Variants in GPATCH2L observed in about 807,000 individuals in gnomAD.
GPATCH2L encodes G-patch domain containing 2 like, also known as G patch domain-containing protein 2-like.
GPATCH2L carries 31 observed loss-of-function variants against 57.4 expected under a neutral mutation model. The ratio of observed to expected loss-of-function variants is 0.54; its 90% CI spans 0.41 to 0.73. The LOEUF is 0.73. Among genes scored for constraint, GPATCH2L ranks in the 30% least tolerant of loss-of-function variants. GPATCH2L has a pLI of 0.00. For missense variants in GPATCH2L, 481 were observed against 599.9 expected (o/e 0.80, Z 2.07); for synonymous variants, 199 against 210.7 (o/e 0.94, Z 0.48).
At chr14:76,231,963 TCTCACTGCAGCCTCACTGCAGC>T in intron 2 of GPATCH2L, among the ~76,000 whole-genome samples, 6 of 57,642 alleles carry the variant, frequency 1.0e-4, no homozygotes, top group South Asian at 1.8e-3. Flanking sequence ...GGCAAACACA[TCTCACTGCAGCCTCACTGCAGC>T]CTCACTGCAG....
intron 8 of GPATCH2L, among the ~76,000 whole-genome samples, chr14:76,184,035 T>G (rs985962077): frequency 8.0e-5 from 12 of 150,348 alleles, no homozygotes; most frequent in Admixed American, 1.3e-4. Flanking sequence ...TGTGTGTGTG[T>G]GTGTGTGTGT....
chr14:76,207,740 T>C lies in GPATCH2L; in HGVS notation c.*5889T>C, dbSNP rs534015758. On this transcript the variant is annotated 3_prime_UTR_variant, in exon 10 of 10. Transcript: ENST00000261530. ...CAGGGGTTGGAGACCAATAGCGATG[T>C]CATGCTTTTTGGTTGTTGTTATTGT... 17 of 152,344 alleles carry C rather than the reference T, an allele frequency of 1.1e-4. No homozygotes were observed. Among genetic ancestry groups the C allele is most frequent in the Non-Finnish European group, 2.1e-4 (14 of 68,024 alleles). The allele number at this position is 152,344 out of a possible 1,614,324, so 9.4% of individuals were successfully genotyped here.
intron 9 of GPATCH2L, among the ~76,000 whole-genome samples, chr14:76,199,572 C>G (rs529954477): frequency 6.6e-6 from 1 of 152,152 alleles, no homozygotes; most frequent in African/African-American, 2.4e-5. Context: ...ATGGAAAATA[C>G]TGCACTGTTC....
chr14:76,220,760 A>G (rs190435687), intron 1 of GPATCH2L, among the ~76,000 whole-genome samples: 2 of 152,286 alleles, frequency 1.3e-5, no homozygotes, highest in African/African-American at 2.4e-5. Context: ...AAGTGAAATT[A>G]CTCTAAAAAT....
intron 1 of GPATCH2L, among the ~76,000 whole-genome samples, chr14:76,227,631 T>C (rs2040541647): frequency 6.6e-6 from 1 of 152,218 alleles, no homozygotes; most frequent in Non-Finnish European, 1.5e-5. Context: ...TGAAGACATA[T>C]GCTTTTCGTT....
downstream of GPATCH2L, among the ~76,000 whole-genome samples, chr14:76,216,502 G>A (rs945291010): frequency 1.3e-4 from 19 of 151,636 alleles, no homozygotes; most frequent in African/African-American, 3.9e-4. Flanking sequence ...TGAAAGCTTA[G>A]ACAAAATTCC....
intron 6 of GPATCH2L, among the ~76,000 whole-genome samples, chr14:76,177,162 T>C (rs2039364690): frequency 6.6e-6 from 1 of 152,062 alleles, no homozygotes; most frequent in Non-Finnish European, 1.5e-5. Context: ...CCTCCCACTT[T>C]GGCCTCTTGA....
intron 3 of GPATCH2L, chr14:76,170,721 C>T (rs2039045755): frequency 6.6e-6 from 1 of 152,008 alleles, no homozygotes; most frequent in African/African-American, 2.4e-5. Flanking sequence ...CAAGAAATCC[C>T]TCAGGTATAG....
downstream of GPATCH2L, among the ~76,000 whole-genome samples, chr14:76,215,917 A>C (rs184709492): frequency 2.7e-5 from 4 of 145,536 alleles, no homozygotes; most frequent in East Asian, 7.7e-4. Flanking sequence ...TATAATTAAA[A>C]AAATAAAATA....
chr14:76,211,872 A>G lies in GPATCH2L; in HGVS notation c.*10021A>G, dbSNP rs558591968. The G allele has an allele frequency of 6.6e-6, 1 of 152,304 alleles. No homozygotes were observed. Among genetic ancestry groups the G allele is most frequent in the South Asian group, 2.1e-4 (1 of 4,832 alleles). 9.4% of individuals were successfully genotyped at this position (152,304 alleles called of 1,614,324 possible). A position where few individuals can be genotyped will look rare whatever the true frequency, so the allele number is the denominator to read the frequency against. ...GAAACTGCATAAAAGTGAAATAATT[A>G]TGAGTTTTGGGCCAACATTTTTCCT... On this transcript the variant is annotated 3_prime_UTR_variant, in exon 10 of 10. Coordinates refer to ENST00000261530, the MANE Select transcript of GPATCH2L (RefSeq NM_017926.4).
At chr14:76,200,987 C>A (rs1163291278) in intron 9 of GPATCH2L, among the ~76,000 whole-genome samples, 2 of 152,126 alleles carry the variant, frequency 1.3e-5, no homozygotes, top group African/African-American at 2.4e-5. Context: ...GGGAGTGTTC[C>A]TGGCATTCAG....
rs934123678 is a variant in GPATCH2L, at chr14:76,213,472, T to C, written c.*11621T>C. 1.3e-5 allele frequency: 2 copies of C among 152,220 alleles called. No individual in the cohort carries two copies. Among genetic ancestry groups the C allele is most frequent in the African/African-American group, 4.8e-5 (2 of 41,456 alleles). The allele number at this position is 152,220 out of a possible 1,614,324, so 9.4% of individuals were successfully genotyped here. A position where few individuals can be genotyped will look rare whatever the true frequency, so the allele number is the denominator to read the frequency against. ...CATTTGGAGAATTAACAGAAACTTT[T>C]TGTAACACCAATTTTTTATTTTACA... On this transcript the variant is annotated 3_prime_UTR_variant, in exon 10 of 10. Transcript: ENST00000261530.
intron 8 of GPATCH2L, among the ~76,000 whole-genome samples, chr14:76,184,433 AG>A (rs1452335082): frequency 7.0e-6 from 1 of 143,554 alleles, no homozygotes; most frequent in Non-Finnish European, 1.5e-5. Context: ...AGCAAGAGCA[AG>A]GGCTTTTCAA....
intron 2 of GPATCH2L, among the ~76,000 whole-genome samples, chr14:76,164,049 G>A (rs1043820411): frequency 6.6e-6 from 1 of 152,088 alleles, no homozygotes; most frequent in Non-Finnish European, 1.5e-5. Flanking sequence ...TGAAGGTCCG[G>A]CTGCCTTCTG....
intron 8 of GPATCH2L, among the ~76,000 whole-genome samples, chr14:76,182,585 CAAAA>C (rs66602777): frequency 8.3e-5 from 7 of 84,792 alleles, no homozygotes; most frequent in South Asian, 4.5e-4. Flanking sequence ...GACCCTGTCT[CAAAA>C]AAAAAAAAAA....
At chr14:76,155,596 G>A (rs1405774516) in intron 2 of GPATCH2L, among the ~76,000 whole-genome samples, 2 of 152,064 alleles carry the variant, frequency 1.3e-5, no homozygotes, top group African/African-American at 4.8e-5. Context: ...TAACAGTACC[G>A]AGTCCCATTA....
chr14:76,167,333 C>G (rs906895608), intron 3 of GPATCH2L, among the ~76,000 whole-genome samples: 5 of 152,144 alleles, frequency 3.3e-5, no homozygotes, highest in Non-Finnish European at 7.3e-5. Flanking sequence ...TGTTTGTCCT[C>G]TAGACTTGTG....
chr14:76,210,525 TC>T lies in GPATCH2L; in HGVS notation c.*8677del, dbSNP rs2040429127. On this transcript the variant is annotated 3_prime_UTR_variant, in exon 10 of 10. Coordinates refer to ENST00000261530, the MANE Select transcript of GPATCH2L (RefSeq NM_017926.4). ...TACCAGGCAACTGTGAATGGGCTCA[TC>T]CCTTCTCTGTGCGTACATGATTGAA... The T allele has an allele frequency of 6.6e-6, 1 of 152,226 alleles. No homozygotes were observed. Among genetic ancestry groups the T allele is most frequent in the Admixed American group, 6.5e-5 (1 of 15,276 alleles). The allele number at this position is 152,226 out of a possible 1,614,324, so 9.4% of individuals were successfully genotyped here.
At chr14:76,180,886 C>T (rs2039535848) in intron 8 of GPATCH2L, 37 bp downstream of exon 8, 1 of 1,226,766 alleles carries the variant, frequency 8.2e-7, no homozygotes, top group South Asian at 1.2e-5. Context: ...TGCTTCTGGA[C>T]AATACTATAT....
Sources: gnomAD v4.1 joint callset for allele counts (sites outside exome capture counted in the v4.1 genomes callset) on GRCh38, gnomAD v4.1.1 for gene constraint, MANE v1.5 for transcripts, NCBI Gene and HGNC (gene_info 2026-07-23, HGNC 2026-07-21) for gene names.